ICE2: variants seen among roughly 807,000 people sequenced by gnomAD.
The protein encoded by ICE2 is interactor of little elongation complex ELL subunit 2.
Under a neutral mutation model 105.4 loss-of-function variants are expected in ICE2, and 87 were observed. That is an observed-to-expected ratio of 0.83 (90% CI 0.69 to 0.99). The LOEUF (loss-of-function observed/expected upper bound fraction) is 0.99, where lower values mean the gene tolerates loss of function less well. Ranked by LOEUF, ICE2 falls within the 50% of genes least tolerant of loss-of-function variation. The pLI is 0.00. For synonymous variants in ICE2, 399 were observed against 392.0 expected, an observed-to-expected ratio of 1.02 and a Z score of -0.21; for missense variants, 1,323 against 1,146.7, an observed-to-expected ratio of 1.15 and a Z score of -2.22.
intron 15 of ICE2, among the ~76,000 whole-genome samples, chr15:60,427,627 G>C (rs1029665318): frequency 2.0e-5 from 3 of 152,138 alleles, no homozygotes; most frequent in African/African-American, 7.2e-5. Flanking sequence ...ATGTTGGTCA[G>C]GCTGGTCTCA....
At position 60,468,291 on chromosome 15, in the gene ICE2, T is replaced by A. The variant is rs530101447; in HGVS notation, c.178A>T (p.Ser60Cys). The change falls in exon 4 of 16, where the codon AGT becomes TGT. Residue 60 changes from serine to cysteine, a missense_variant. Ser to Cys is a moderately radical substitution (Grantham distance 112). Coordinates refer to ENST00000261520, the MANE Select transcript of ICE2 (RefSeq NM_024611.6). Reference sequence around the variant, plus strand: ...ACTGCCGGCTCATTTTCTACAGAACTTGCTGAGGCATTCAAATTTTCTCCT... The same window carrying A: ...ACTGCCGGCTCATTTTCTACAGAACATGCTGAGGCATTCAAATTTTCTCCT... The part of the protein sequence containing the change: ...RIGENLNASA[S>C]SVENEPAVSS... The A allele has an allele frequency of 5.0e-6, 8 of 1,608,762 alleles. No individual in the cohort carries two copies. The highest frequency in any genetic ancestry group is 6.8e-6 in the Non-Finnish European group (8 of 1,175,732).
intron 5 of ICE2, 33 bp downstream of exon 5, chr15:60,466,561 C>A (rs767917112): frequency 3.1e-6 from 5 of 1,605,632 alleles, no homozygotes; most frequent in Non-Finnish European, 3.4e-6. Flanking sequence ...CCTATCACTT[C>A]GCAATTTACA....
chr15:60,430,879 G>C (rs1348820219), intron 14 of ICE2, among the ~76,000 whole-genome samples: 1 of 152,058 alleles, frequency 6.6e-6, no homozygotes, highest in Non-Finnish European at 1.5e-5. Flanking sequence ...TTAGCTCTAT[G>C]TTCTTTTTTT....
At chr15:60,470,947 C>T (rs2064577112) in intron 3 of ICE2, among the ~76,000 whole-genome samples, 1 of 152,064 alleles carries the variant, frequency 6.6e-6, no homozygotes, top group Non-Finnish European at 1.5e-5. Flanking sequence ...CGGCTGAGAA[C>T]TACTAATTTA....
chr15:60,465,476 C>T (rs1239249197), intron 5 of ICE2, among the ~76,000 whole-genome samples: 2 of 152,196 alleles, frequency 1.3e-5, no homozygotes, highest in Non-Finnish European at 1.5e-5. Flanking sequence ...TGTGAGTCAC[C>T]GTGTCCGGAC....
chr15:60,469,396 C>T (rs914406728), intron 3 of ICE2, among the ~76,000 whole-genome samples: 1 of 151,920 alleles, frequency 6.6e-6, no homozygotes, highest in African/African-American at 2.4e-5. Context: ...CCATGGCACA[C>T]GTTTACCTAC....
At chr15:60,442,921 T>C (rs2063749609) in intron 11 of ICE2, 1 of 157,186 alleles carries the variant, frequency 6.4e-6, no homozygotes, top group Non-Finnish European at 1.4e-5. Flanking sequence ...AAGCACTGAC[T>C]TTTTTATATA....
At position 60,420,764 on chromosome 15, in the gene ICE2, GA is replaced by G. The variant is rs2063234852; in HGVS notation, c.*2869del. 6.6e-6 allele frequency: 1 copy of G among 152,108 alleles called. No individual in the cohort carries two copies. Among genetic ancestry groups the G allele is most frequent in the African/African-American group, 2.4e-5 (1 of 41,400 alleles). 9.4% of individuals were successfully genotyped at this position (152,108 alleles called of 1,614,324 possible). A position where few individuals can be genotyped will look rare whatever the true frequency, so the allele number is the denominator to read the frequency against. On this transcript the variant is annotated 3_prime_UTR_variant, in exon 16 of 16. Transcript: ENST00000261520. ...AACCTTAACTACCAAGATCTGGTTA[GA>G]TGACTTGCTTACTTTATCAAAGCAC...
At chr15:60,476,962 C>T (rs2064779248) in intron 2 of ICE2, among the ~76,000 whole-genome samples, 1 of 152,218 alleles carries the variant, frequency 6.6e-6, no homozygotes, top group Non-Finnish European at 1.5e-5. Context: ...TGAATGCATA[C>T]TTTATAGCAC....
intron 15 of ICE2, among the ~76,000 whole-genome samples, chr15:60,425,047 C>T (rs910050683): frequency 7.9e-5 from 12 of 152,176 alleles, no homozygotes; most frequent in African/African-American, 2.9e-4. Flanking sequence ...GATAGTGTAA[C>T]TCCAAGCACT....
intron 5 of ICE2, among the ~76,000 whole-genome samples, chr15:60,464,255 T>A (rs2064359629): frequency 6.6e-6 from 1 of 152,262 alleles, no homozygotes; most frequent in East Asian, 1.9e-4. Context: ...AGTACAGTTT[T>A]ATATTCACCT....
chr15:60,433,883 T>C (rs1169106468), intron 13 of ICE2, among the ~76,000 whole-genome samples: 3 of 151,628 alleles, frequency 2.0e-5, no homozygotes, highest in Non-Finnish European at 4.4e-5. Context: ...TATTCACATA[T>C]GTAAAAAAAA....
At chr15:60,468,364 T>G in intron 3 of ICE2, 42 bp from the exon 4 acceptor site, 1 of 1,450,308 alleles carries the variant, frequency 6.9e-7, no homozygotes. Flanking sequence ...GCTTTTCACA[T>G]GAAGATTACT....
At chr15:60,463,571 G>A (rs1367935645) in intron 5 of ICE2, among the ~76,000 whole-genome samples, 1 of 152,118 alleles carries the variant, frequency 6.6e-6, no homozygotes, top group Non-Finnish European at 1.5e-5. Context: ...TCAGGAGTTC[G>A]AGACCAGCCT....
rs2064025065 is a variant in ICE2 at position 60,453,725 on chromosome 15, T to A, written c.1003A>T (p.Met335Leu). ...NSPLPQKKMT[M>L]RERNQIFHEV... is the part of the protein sequence containing the mutation. ...TGAAAGATTTGATTTCTCTCTCTCA[T>A]AGTCATTTTCTTTTGGGGAAGTGGT... Residue 335 changes from methionine to leucine, a missense_variant, in exon 9 of 16, where the codon ATG becomes TTG. By Grantham distance (15) the Met-to-Leu change is conservative. Transcript: ENST00000261520. 12 of 1,606,266 alleles carry A rather than the reference T, an allele frequency of 7.5e-6. No homozygotes were observed. The highest frequency in any genetic ancestry group is 9.4e-6 in the Non-Finnish European group (11 of 1,172,968).
intron 14 of ICE2, among the ~76,000 whole-genome samples, chr15:60,431,387 A>T (rs989941679): frequency 1.1e-4 from 16 of 152,038 alleles, no homozygotes; most frequent in East Asian, 5.8e-4. Flanking sequence ...ATCACCAGGA[A>T]CCTTATAAAA....
chr15:60,435,994 A>G (rs1595753340), intron 13 of ICE2, 149 bp downstream of exon 13: 1 of 428,864 alleles, frequency 2.3e-6, no homozygotes. Context: ...ACAAAAAAAA[A>G]GACAAAACAA....
At position 60,423,549 on chromosome 15, in the gene ICE2, C is replaced by A. The variant is rs979543223; in HGVS notation, c.*85G>T. Reference sequence around the variant, plus strand: ...TACTACAGGAAAAATGTTCCTCTTGCCTACTGATTATTTTCCCTCAAACTT... The same window carrying A: ...TACTACAGGAAAAATGTTCCTCTTGACTACTGATTATTTTCCCTCAAACTT... On this transcript the variant is annotated 3_prime_UTR_variant, in exon 16 of 16. Coordinates refer to ENST00000261520, the MANE Select transcript of ICE2 (RefSeq NM_024611.6). 6.1e-6 allele frequency: 8 copies of A among 1,305,120 alleles called. No homozygotes were observed. In the Admixed American group the frequency reaches 8.8e-5, roughly 14 times the overall value. The allele number at this position is 1,305,120 out of a possible 1,614,324, so 80.8% of individuals were successfully genotyped here.
rs200132360 is a variant in ICE2, at chr15:60,478,002, A to G, written c.-25T>C. 4.8e-5 allele frequency: 78 copies of G among 1,612,174 alleles called. No homozygotes were observed. Among genetic ancestry groups the G allele is most frequent in the Non-Finnish European group, 6.4e-5 (76 of 1,178,322 alleles). On this transcript the variant is annotated 5_prime_UTR_variant, in exon 2 of 16. Coordinates refer to ENST00000261520, the MANE Select transcript of ICE2 (RefSeq NM_024611.6). ...TCTTCCTAGATTTCTGCTTCACTCT[A>G]GCTCACAGTTCACAGCTGCCTGGCT...
Sources: gnomAD v4.1 joint callset for allele counts (sites outside exome capture counted in the v4.1 genomes callset) on GRCh38, gnomAD v4.1.1 for gene constraint, MANE v1.5 for transcripts, NCBI Gene and HGNC (gene_info 2026-07-23, HGNC 2026-07-21) for gene names.